Variants in NECTIN1 observed in about 807,000 individuals in gnomAD.
NECTIN1 encodes nectin-1.
A neutral mutation model predicts 48.0 loss-of-function variants in NECTIN1; 23 were observed. That is an observed-to-expected ratio of 0.48 (90% CI 0.34 to 0.68). The LOEUF is 0.68. NECTIN1 is among the 30% of genes least tolerant of loss of function. The pLI is 0.01. For synonymous variants in NECTIN1, 270 were observed against 288.9 expected (o/e 0.93, Z 0.66); for missense variants, 591 against 709.9 (o/e 0.83, Z 1.90).
exon 6 of NECTIN1, chr11:119,639,936 T>C (rs1209569725): frequency 6.2e-7 from 1 of 1,614,078 alleles, no homozygotes; most frequent in South Asian, 1.1e-5. Context: ...GCACAGCAAC[T>C]AGGATGAGGA....
At chr11:119,706,879 G>A (rs1165812410) in intron 1 of NECTIN1, among the ~76,000 whole-genome samples, 2 of 152,204 alleles carry the variant, frequency 1.3e-5, no homozygotes, top group Admixed American at 1.3e-4. Context: ...CAGTGGGTCA[G>A]TATTCACGGA....
chr11:119,728,037 C>G (rs906577438), intron 1 of NECTIN1, among the ~76,000 whole-genome samples: 1 of 152,194 alleles, frequency 6.6e-6, no homozygotes, highest in African/African-American at 2.4e-5. Flanking sequence ...CGAAGCCCCC[C>G]CGCCATACTC....
At position 119,674,268 on chromosome 11, in the gene NECTIN1, G is replaced by A. The variant is rs973239042; in HGVS notation, c.1003+891C>T. On this transcript the variant is annotated intron_variant, in intron 5 of 5. Transcript: ENST00000264025. The stretch of plus-strand genomic sequence containing the variant: ...AGACACTCGGTCACCCTGTCACCCT[G>A]CAGATAGCTCAGGTCCACTGTAAAA... The A allele has an allele frequency of 5.3e-6, 6 of 1,125,834 alleles. No individual in the cohort carries two copies. In the Admixed American group the frequency reaches 2.2e-4, roughly 41 times the overall value. The allele number at this position is 1,125,834 out of a possible 1,614,324, so 69.7% of individuals were successfully genotyped here.
chr11:119,712,322 A>T (rs1865664711), intron 1 of NECTIN1, among the ~76,000 whole-genome samples: 1 of 148,222 alleles, frequency 6.7e-6, no homozygotes, highest in African/African-American at 2.4e-5. Context: ...TCACGGTCCC[A>T]GAGAAGCCTC....
At chr11:119,676,557 G>A (rs1414068113) in intron 4 of NECTIN1, among the ~76,000 whole-genome samples, 2 of 152,226 alleles carry the variant, frequency 1.3e-5, no homozygotes, top group African/African-American at 4.8e-5. Flanking sequence ...CGGCTGGAGG[G>A]GAGAAGGCGA....
intron 5 of NECTIN1, among the ~76,000 whole-genome samples, chr11:119,649,027 T>C (rs1293277189): frequency 1.3e-5 from 2 of 152,128 alleles, no homozygotes; most frequent in Non-Finnish European, 2.9e-5. Context: ...AGATGTGAGT[T>C]CAAGGCCAAT....
At chr11:119,682,131 T>C (rs1013805839) in intron 1 of NECTIN1, among the ~76,000 whole-genome samples, 1 of 152,170 alleles carries the variant, frequency 6.6e-6, no homozygotes, top group Admixed American at 6.6e-5. Context: ...GTCCAAGGAC[T>C]CAGGGTTGGG....
chr11:119,691,233 C>T (rs1865246386), intron 1 of NECTIN1, among the ~76,000 whole-genome samples: 2 of 152,240 alleles, frequency 1.3e-5, no homozygotes, highest in South Asian at 4.1e-4. Flanking sequence ...CCTGGTTTAA[C>T]CACAGAACGA....
At chr11:119,720,580 T>C (rs1865811453) in intron 1 of NECTIN1, among the ~76,000 whole-genome samples, 1 of 152,258 alleles carries the variant, frequency 6.6e-6, no homozygotes, top group Non-Finnish European at 1.5e-5. Context: ...GTGGTGCTCA[T>C]TTTCCTTCAC....
chr11:119,679,358 G>A (rs1012663995), intron 1 of NECTIN1, among the ~76,000 whole-genome samples: 3 of 152,124 alleles, frequency 2.0e-5, no homozygotes, highest in East Asian at 3.9e-4. Flanking sequence ...GAAGGCCCAC[G>A]GTGGCTGTCA....
In NECTIN1 at chr11:119,644,289, T is replaced by C. The variant is rs182414240; in HGVS notation, c.1004-4277A>G. Among the ~76,000 whole-genome samples the C allele has an allele frequency of 1.7e-3, 255 of 152,348 alleles. 1 individual carries two copies. The highest frequency in any genetic ancestry group is 5.6e-3 in the African/African-American group (233 of 41,580). ...AGGCCGCGTGCTACTGGGGCTTCTC[T>C]GCTCTTCCAGGAACAGCTCTACTGG... On this transcript the variant is annotated intron_variant, in intron 5 of 7. Transcript: ENST00000341398.
intron 1 of NECTIN1, among the ~76,000 whole-genome samples, chr11:119,722,533 A>G (rs892937339): frequency 6.6e-6 from 1 of 152,250 alleles, no homozygotes; most frequent in Admixed American, 6.5e-5. Context: ...ATGGTGCCCC[A>G]GCTGGGCCAC....
At chr11:119,654,209 T>C (rs989672442) in intron 5 of NECTIN1, 8 of 152,146 alleles carry the variant, frequency 5.3e-5, no homozygotes, top group Admixed American at 4.6e-4. Flanking sequence ...GTGGCACACA[T>C]GAAAACAACT....
chr11:119,648,289 A>ATGG (rs1263768008), intron 5 of NECTIN1, among the ~76,000 whole-genome samples: 3 of 10,752 alleles, frequency 2.8e-4, no homozygotes, highest in African/African-American at 6.2e-4. Context: ...GGTGGTGGTG[A>ATGG]TGGTGGTGGT....
chr11:119,680,315 T>C (rs1185736893), intron 1 of NECTIN1, among the ~76,000 whole-genome samples: 1 of 152,228 alleles, frequency 6.6e-6, no homozygotes, highest in Non-Finnish European at 1.5e-5. Flanking sequence ...TGCTGTCATT[T>C]GTATACTTCA....
intron 1 of NECTIN1, among the ~76,000 whole-genome samples, chr11:119,703,847 G>A (rs955942746): frequency 6.6e-6 from 1 of 152,194 alleles, no homozygotes; most frequent in Non-Finnish European, 1.5e-5. Context: ...AATGAGATGC[G>A]CGGCTCAGCC....
At chr11:119,723,105 G>A (rs1865860007) in intron 1 of NECTIN1, among the ~76,000 whole-genome samples, 1 of 150,858 alleles carries the variant, frequency 6.6e-6, no homozygotes, top group Non-Finnish European at 1.5e-5. Flanking sequence ...TGTAGTCCCA[G>A]CTACTCGGGA....
chr11:119,652,029 G>A (rs1032919999), intron 5 of NECTIN1, among the ~76,000 whole-genome samples: 1 of 152,114 alleles, frequency 6.6e-6, no homozygotes, highest in African/African-American at 2.4e-5. Flanking sequence ...CAGGCCTCTC[G>A]CCAGCATATT....
rs537039396 is a variant in NECTIN1, at chr11:119,702,321, G to C, written c.80-23556C>G. Among the ~76,000 whole-genome samples, 8 of 152,288 alleles carry C rather than the reference G, an allele frequency of 5.3e-5. No individual in the cohort carries two copies. The South Asian group carries it at 1.7e-3, about 32-fold the overall frequency. On this transcript the variant is annotated intron_variant, in intron 1 of 5. Transcript: ENST00000264025. The stretch of plus-strand genomic sequence containing the variant: ...TATGGTCATGACAGCTGGGAAATTC[G>C]TCCTGTGGTTTCATCTCAATCCCTT...
Sources: gnomAD v4.1 joint callset for allele counts (sites outside exome capture counted in the v4.1 genomes callset) on GRCh38, gnomAD v4.1.1 for gene constraint, MANE v1.5 for transcripts, NCBI Gene and HGNC (gene_info 2026-07-23, HGNC 2026-07-21) for gene names.